TCF20: variants seen among roughly 807,000 people sequenced by gnomAD.
TCF20 encodes the protein SPRE-binding protein.
A neutral mutation model predicts 148.6 loss-of-function variants in TCF20; 3 were observed. That is an observed-to-expected ratio of 0.02 (90% CI 0.01 to 0.05). The LOEUF (loss-of-function observed/expected upper bound fraction) is 0.05. TCF20 is among the 10% of genes least tolerant of loss of function. The probability of loss-of-function intolerance (pLI) is 1.00; values close to 1 mark genes in which losing one functional copy is unlikely to be tolerated. For synonymous variants in TCF20, 1,049 were observed against 909.5 expected (o/e 1.15, Z -2.76); for missense variants, 2,350 against 2,429.3 (o/e 0.97, Z 0.69).
intron 5 of TCF20, among the ~76,000 whole-genome samples, chr22:42,163,852 T>C (rs1281665935): frequency 6.6e-6 from 1 of 152,202 alleles, no homozygotes; most frequent in Non-Finnish European, 1.5e-5. Flanking sequence ...GGGTTTCGTC[T>C]TGGGCCAACA....
chr22:42,246,863 G>A (rs1320247653), intron 1 of TCF20, among the ~76,000 whole-genome samples: 3 of 151,820 alleles, frequency 2.0e-5, no homozygotes, highest in Admixed American at 2.0e-4. Context: ...CTACTTGGGA[G>A]GCTGATGCAG....
At chr22:42,262,257 C>G (rs1050642913) in intron 1 of TCF20, among the ~76,000 whole-genome samples, 5 of 152,068 alleles carry the variant, frequency 3.3e-5, no homozygotes, top group African/African-American at 1.2e-4. Flanking sequence ...AATGAGGCGG[C>G]CATCATCATG....
At chr22:42,173,348 A>G (rs568151555) in intron 3 of TCF20, among the ~76,000 whole-genome samples, 8 of 152,122 alleles carry the variant, frequency 5.3e-5, no homozygotes, top group African/African-American at 1.7e-4. Flanking sequence ...ACAGCTGACC[A>G]TGATGTCAGA....
intron 1 of TCF20, among the ~76,000 whole-genome samples, chr22:42,239,080 T>A (rs1283134877): frequency 6.6e-6 from 1 of 151,574 alleles, no homozygotes; most frequent in East Asian, 1.9e-4. Context: ...ATCGCACCAC[T>A]GCACTCCAGC....
intron 1 of TCF20, among the ~76,000 whole-genome samples, chr22:42,277,894 C>T (rs1168423598): frequency 6.6e-6 from 1 of 152,260 alleles, no homozygotes; most frequent in Non-Finnish European, 1.5e-5. Flanking sequence ...AGGCTGACCT[C>T]TGGTCTTCAG....
In TCF20 at chr22:42,317,748, G is replaced by C. The variant is rs529841544; in HGVS notation, c.-37+25731C>G. Among the ~76,000 whole-genome samples, 1 of 152,194 alleles carries C rather than the reference G, an allele frequency of 6.6e-6. No individual in the cohort carries two copies. The highest frequency in any genetic ancestry group is 1.5e-5 in the Non-Finnish European group (1 of 68,026). ...CAGCAGTGGGGAGGGTGGAAGAAGG[G>C]AGCCGAGGTGGGCACAGGGCGATCC... On this transcript the variant is annotated intron_variant, in intron 1 of 1. Transcript: ENST00000515426. The surrounding 1 kb of genome is among the most constrained non-coding windows in gnomAD (Gnocchi z 4.2).
intron 1 of TCF20, among the ~76,000 whole-genome samples, chr22:42,323,956 G>GCGGTGGTGGTGGTGGTGATGGAGGTTA: frequency 5.1e-5 from 6 of 118,152 alleles, no homozygotes; most frequent in Admixed American, 1.6e-4. Context: ...GGAGGTTATG[G>GCGGTGGTGGTGGTGGTGATGGAGGTTA]TGGTGGTGGT....
chr22:42,318,199 G>A (rs1360851267), intron 1 of TCF20, among the ~76,000 whole-genome samples: 1 of 152,240 alleles, frequency 6.6e-6, no homozygotes, highest in Non-Finnish European at 1.5e-5. Context: ...TTTGGGGAAC[G>A]GCTGGATCTG....
Position 42,299,969 on chromosome 22 carries a change from G to A in TCF20, c.-37+43510C>T, listed in dbSNP as rs1927305014. On this transcript the variant is annotated intron_variant, in intron 1 of 1. Transcript: ENST00000515426. This position sits in a 1 kb window ranked among gnomAD's most constrained non-coding sequence, Gnocchi z 4.1. ...AGGAGGGGAAGGAAGGGCGGGGAGG[G>A]GGAGGGGGAGGGGCGCGCTGAAATC... is the stretch of plus-strand genomic sequence containing the variant. 6.8e-6 allele frequency among the ~76,000 whole-genome samples: 1 copy of A among 146,252 alleles called. No individual in the cohort carries two copies. Among genetic ancestry groups the A allele is most frequent in the Non-Finnish European group, 1.5e-5 (1 of 66,248 alleles).
intron 2 of TCF20, among the ~76,000 whole-genome samples, chr22:42,199,229 C>G (rs781492638): frequency 6.6e-6 from 1 of 152,026 alleles, no homozygotes; most frequent in Non-Finnish European, 1.5e-5. Flanking sequence ...AAATGGGAAC[C>G]CTGACCAGCA....
intron 5 of TCF20, among the ~76,000 whole-genome samples, chr22:42,163,015 G>C (rs1038864660): frequency 6.6e-6 from 1 of 152,228 alleles, no homozygotes; most frequent in African/African-American, 2.4e-5. Flanking sequence ...ACACAGAAGG[G>C]TGTCATCTTG....
At chr22:42,167,130 A>G (rs1013452470) in intron 5 of TCF20, among the ~76,000 whole-genome samples, 1 of 152,158 alleles carries the variant, frequency 6.6e-6, no homozygotes, top group African/African-American at 2.4e-5. Flanking sequence ...CTGACCCAGG[A>G]ACACATGGAA....
Position 42,215,301 on chromosome 22 carries a change from T to G in TCF20, c.5A>C (p.Gln2Pro). M[Q>P]SFREQSSYHG... Reference sequence around the variant, plus strand: ...GTAACTGCTTTGCTCCCGAAAGGACTGCATACTGTTCAGCAGCACAGCAGC... The same window carrying G: ...GTAACTGCTTTGCTCCCGAAAGGACGGCATACTGTTCAGCAGCACAGCAGC... Residue 2 changes from glutamine (Q) to proline (P), a missense_variant, in exon 2 of 6, where the codon CAG (glutamine) becomes CCG (proline). Coordinates refer to ENST00000677622, the MANE Select transcript of TCF20 (RefSeq NM_001378418.1). 1 of 1,611,498 alleles carries G rather than the reference T, an allele frequency of 6.2e-7. No homozygotes were observed. Among genetic ancestry groups the G allele is most frequent in the Non-Finnish European group, 8.5e-7 (1 of 1,178,016 alleles).
At chr22:42,237,768 A>C (rs2147297622) in intron 1 of TCF20, among the ~76,000 whole-genome samples, 2 of 152,340 alleles carry the variant, frequency 1.3e-5, no homozygotes, top group Middle Eastern at 3.4e-3. Flanking sequence ...CAGAGCTCTT[A>C]GGTGACCAGG....
Position 42,215,230 on chromosome 22 carries a change from G to C in TCF20, c.76C>G (p.Arg26Gly). The stretch of plus-strand genomic sequence containing the variant: ...TGACGAGGGCTGAACTCTTCTAGCC[G>C]GGATGAGCCGTGTACCTCCTGTGGG... ...SYPQEVHGSS[R>G]LEEFSPRQAQ... is the part of the protein sequence containing the mutation. Residue 26 changes from arginine to glycine, a missense_variant, in exon 2 of 6, where the codon CGG becomes GGG. This residue lies in a region of TCF20 where 1,641 missense variants were observed against 1,662.6 expected (regional missense o/e 0.99). Coordinates refer to ENST00000677622, the MANE Select transcript of TCF20 (RefSeq NM_001378418.1). 1.9e-6 allele frequency: 3 copies of C among 1,614,168 alleles called. No homozygotes were observed. The highest frequency in any genetic ancestry group is 2.5e-6 in the Non-Finnish European group (3 of 1,180,030).
intron 5 of TCF20, among the ~76,000 whole-genome samples, chr22:42,163,323 C>A (rs1227342467): frequency 6.6e-6 from 1 of 152,204 alleles, no homozygotes; most frequent in Non-Finnish European, 1.5e-5. Flanking sequence ...TTCCTCAGCA[C>A]CTGCAGCCTG....
At chr22:42,241,671 A>G (rs895806132) in intron 1 of TCF20, among the ~76,000 whole-genome samples, 1 of 152,156 alleles carries the variant, frequency 6.6e-6, no homozygotes, top group Non-Finnish European at 1.5e-5. Flanking sequence ...TACTAAAAGT[A>G]CAAAAATTGG....
chr22:42,197,629 G>T (rs533990487), intron 2 of TCF20, among the ~76,000 whole-genome samples: 1 of 152,174 alleles, frequency 6.6e-6, no homozygotes, highest in South Asian at 2.1e-4. Context: ...GCTGGGATGA[G>T]AAACTTTTTA....
chr22:42,240,233 T>A (rs938384135), intron 1 of TCF20, among the ~76,000 whole-genome samples: 2 of 152,190 alleles, frequency 1.3e-5, no homozygotes, highest in Non-Finnish European at 2.9e-5. Context: ...GGGGCAGAGC[T>A]GGGATTCAAA....
Sources: allele counts gnomAD v4.1 joint callset (sites outside exome capture counted in the v4.1 genomes callset), GRCh38; gene constraint gnomAD v4.1.1; regional missense constraint gnomAD v4.1.1; non-coding constraint Gnocchi (gnomAD v3.1); transcripts MANE v1.5; gene names NCBI Gene and HGNC (gene_info 2026-07-23, HGNC 2026-07-21).